EYS: variants seen among roughly 807,000 people sequenced by gnomAD.
The protein encoded by EYS is EGF-like photoreceptor maintenance factor.
In EYS, 250 loss-of-function variants were observed where a neutral mutation model predicts 282.1. The observed-to-expected ratio is 0.89, with a 90% confidence interval of 0.80 to 0.98. The LOEUF (loss-of-function observed/expected upper bound fraction) is 0.98. EYS is among the 50% of genes least tolerant of loss of function. The pLI, the probability that EYS is intolerant of heterozygous loss-of-function variation, is 0.00. For missense variants in EYS, 4,016 were observed against 3,709.0 expected (o/e 1.08, Z -2.15); for synonymous variants, 1,355 against 1,282.9 (o/e 1.06, Z -1.20).
chr6:64,493,651 C>CT lies in EYS; in HGVS notation c.5645-54300dup, dbSNP rs199600830. Among the ~76,000 whole-genome samples the CT allele has an allele frequency of 1.6e-3, 238 of 150,748 alleles. 1 individual carries two copies. The highest frequency in any genetic ancestry group is 3.2e-3 in the African/African-American group (131 of 41,242). ...GCCAAGTTCTGTATTCCATTGTATT[C>CT]TTTTTTTTTAATTATACTTTAAGTT... On this transcript the variant is annotated intron_variant, in intron 26 of 42. Transcript: ENST00000503581.
intron 14 of EYS, among the ~76,000 whole-genome samples, chr6:64,956,833 A>G (rs1445852258): frequency 6.6e-6 from 1 of 152,196 alleles, no homozygotes; most frequent in Non-Finnish European, 1.5e-5. Flanking sequence ...GCATATGAAA[A>G]GGTGCTTAAC....
At chr6:64,651,061 T>C (rs1322250556) in intron 22 of EYS, among the ~76,000 whole-genome samples, 1 of 152,234 alleles carries the variant, frequency 6.6e-6, no homozygotes, top group East Asian at 1.9e-4. Context: ...CCAATTTAAC[T>C]ATTCGTGTAG....
intron 12 of EYS, among the ~76,000 whole-genome samples, chr6:65,078,876 G>C (rs1276202613): frequency 6.6e-6 from 1 of 151,576 alleles, no homozygotes; most frequent in Non-Finnish European, 1.5e-5. Context: ...ATGAGATCTG[G>C]TTGTTTTAAT....
intron 35 of EYS, among the ~76,000 whole-genome samples, chr6:63,950,096 C>T (rs774427149): frequency 3.3e-5 from 5 of 151,242 alleles, no homozygotes; most frequent in Admixed American, 1.3e-4. Context: ...TGCTTGAACC[C>T]GGGAGGTGGA....
chr6:64,162,419 T>C (rs1160019862), intron 31 of EYS, among the ~76,000 whole-genome samples: 1 of 152,130 alleles, frequency 6.6e-6, no homozygotes, highest in African/African-American at 2.4e-5. Flanking sequence ...CCCAGGAGTT[T>C]TCAGCCCTCT....
chr6:65,321,320 A>C (rs956612825), intron 11 of EYS, among the ~76,000 whole-genome samples: 2 of 152,070 alleles, frequency 1.3e-5, no homozygotes, highest in African/African-American at 4.8e-5. Flanking sequence ...TAAAATCCAC[A>C]GGCTAAAAGA....
chr6:65,142,921 G>A (rs914345985), intron 12 of EYS, among the ~76,000 whole-genome samples: 1 of 152,008 alleles, frequency 6.6e-6, no homozygotes, highest in African/African-American at 2.4e-5. Context: ...AGCAAATTAA[G>A]ACATTTTCAG....
At chr6:64,169,084 C>T (rs1227225765) in intron 31 of EYS, among the ~76,000 whole-genome samples, 3 of 152,166 alleles carry the variant, frequency 2.0e-5, no homozygotes. Context: ...TTATTACCCT[C>T]CTTAGATTTG....
At chr6:65,402,734 G>A (rs1582245382) in intron 6 of EYS, 129 bp from the exon 7 acceptor site, 1 of 606,540 alleles carries the variant, frequency 1.6e-6, no homozygotes, top group Non-Finnish European at 2.9e-6. Context: ...TGTCAGCAAT[G>A]TGGCAGATTC....
At chr6:64,647,861 T>A (rs1351798620) in intron 22 of EYS, among the ~76,000 whole-genome samples, 1 of 152,156 alleles carries the variant, frequency 6.6e-6, no homozygotes, top group Non-Finnish European at 1.5e-5. Flanking sequence ...CAGTTGGTGA[T>A]CATAAGGGTT....
At chr6:63,847,845 G>A (rs914353770) in intron 36 of EYS, among the ~76,000 whole-genome samples, 2 of 152,138 alleles carry the variant, frequency 1.3e-5, no homozygotes, top group African/African-American at 2.4e-5. Flanking sequence ...CATATTAAAT[G>A]ATTTTGTGGC....
At chr6:64,459,289 T>G (rs1325086141) in intron 26 of EYS, among the ~76,000 whole-genome samples, 1 of 152,222 alleles carries the variant, frequency 6.6e-6, no homozygotes, top group South Asian at 2.1e-4. Context: ...TGGAAGTCTA[T>G]GCACTATTTA....
chr6:65,608,620 T>C (rs1012499944), intron 2 of EYS, among the ~76,000 whole-genome samples: 2 of 152,116 alleles, frequency 1.3e-5, no homozygotes, highest in African/African-American at 4.8e-5. Context: ...CTTTGACTTT[T>C]CTGTAATAAC....
chr6:64,011,329 T>G (rs1441778765), intron 33 of EYS, among the ~76,000 whole-genome samples: 1 of 152,138 alleles, frequency 6.6e-6, no homozygotes, highest in Non-Finnish European at 1.5e-5. Context: ...AACACAAAAA[T>G]GAAAGATCAA....
Position 64,831,319 on chromosome 6 carries a change from G to A in EYS, c.2993-8497C>T, listed in dbSNP as rs536836648. On this transcript the variant is annotated intron_variant, in intron 19 of 42. Transcript: ENST00000503581. ...GTATATCATTAATAAAAATATTGGCGGTATATATCAAATACTGGATTAAAC... is the reference window on the plus strand; with the variant it reads ...GTATATCATTAATAAAAATATTGGCAGTATATATCAAATACTGGATTAAAC... Among the ~76,000 whole-genome samples the A allele has an allele frequency of 6.6e-5, 10 of 151,672 alleles. No individual in the cohort carries two copies. The South Asian group carries it at 1.2e-3, about 19-fold the overall frequency.
At chr6:65,532,394 G>A (rs771238273) in intron 2 of EYS, among the ~76,000 whole-genome samples, 14 of 152,134 alleles carry the variant, frequency 9.2e-5, no homozygotes, top group Non-Finnish European at 1.9e-4. Context: ...CATGATGTTA[G>A]AATACTTGTT....
intron 19 of EYS, among the ~76,000 whole-genome samples, chr6:64,824,358 A>G (rs1764985855): frequency 6.6e-6 from 1 of 151,972 alleles, no homozygotes; most frequent in African/African-American, 2.4e-5. Flanking sequence ...CAAGCTTCTC[A>G]CTTGTAAATG....
At chr6:64,337,500 C>T (rs749091155) in intron 29 of EYS, among the ~76,000 whole-genome samples, 2 of 151,698 alleles carry the variant, frequency 1.3e-5, no homozygotes, top group South Asian at 2.1e-4. Context: ...AAATTACCAA[C>T]AAAAAAATTC....
chr6:63,876,241 T>C (rs912897497), intron 35 of EYS, among the ~76,000 whole-genome samples: 2 of 152,240 alleles, frequency 1.3e-5, no homozygotes, highest in African/African-American at 4.8e-5. Context: ...CCAGTAGTCA[T>C]TCAGGAGCAG....
Sources: allele counts gnomAD v4.1 joint callset (sites outside exome capture counted in the v4.1 genomes callset), GRCh38; gene constraint gnomAD v4.1.1; transcripts MANE v1.5; gene names NCBI Gene and HGNC (gene_info 2026-07-23, HGNC 2026-07-21).